The following ASNS variants were observed in gnomAD, a reference collection of about 807,000 sequenced individuals.
ASNS encodes asparagine synthetase [glutamine-hydrolyzing].
ASNS carries 37 observed loss-of-function variants against 62.6 expected under a neutral mutation model. That is an observed-to-expected ratio of 0.59 (90% CI 0.45 to 0.78). The LOEUF (loss-of-function observed/expected upper bound fraction) is 0.78, where lower values mean the gene tolerates loss of function less well. Ranked by LOEUF, ASNS falls within the 30% of genes least tolerant of loss-of-function variation. The pLI, the probability that ASNS is intolerant of heterozygous loss-of-function variation, is 0.00. For missense variants in ASNS, 520 were observed against 682.4 expected, an observed-to-expected ratio of 0.76 and a Z score of 2.65; for synonymous variants, 207 against 237.9, an observed-to-expected ratio of 0.87 and a Z score of 1.19.
chr7:97,875,604 G>A (rs996282722), upstream of ASNS, among the ~76,000 whole-genome samples: 1 of 152,218 alleles, frequency 6.6e-6, no homozygotes, highest in Admixed American at 6.5e-5. Flanking sequence ...GGATCATAGA[G>A]CCTCTTAACA....
At chr7:97,907,698 G>T in the ASNS span, among the ~76,000 whole-genome samples, 2 of 151,884 alleles carry the variant, frequency 1.3e-5, no homozygotes, top group Non-Finnish European at 2.9e-5. Context: ...GAACCCAGGA[G>T]GCAGAGCTTG....
At chr7:97,921,479 G>A in the ASNS span, among the ~76,000 whole-genome samples, 1 of 152,176 alleles carries the variant, frequency 6.6e-6, no homozygotes, top group Middle Eastern at 3.2e-3. Flanking sequence ...GCTGGTTGTG[G>A]CGTGTGGGCT....
In ASNS at chr7:97,864,380, T is replaced by A. The variant is rs11554429; in HGVS notation, c.366A>T (p.Ala122=). 6.2e-7 allele frequency: 1 copy of A among 1,613,946 alleles called. No homozygotes were observed. Reference sequence around the variant, plus strand: ...TATTGGCAGTATCCAGTAAAACAAATGCAAACACACCATCCAACATACAAA... The same window carrying A: ...TATTGGCAGTATCCAGTAAAACAAAAGCAAACACACCATCCAACATACAAA... ...QTICMLDGVF[A]FVLLDTANKK... Residue 122 remains alanine (A), a synonymous_variant, in exon 4 of 13, where the codon GCA becomes GCT. Transcript: ENST00000394308.
chr7:97,858,812 A>AAC (rs755408859), intron 6 of ASNS, 42 bp downstream of exon 6: 6 of 1,530,638 alleles, frequency 3.9e-6, no homozygotes, highest in Non-Finnish European at 5.4e-6. Context: ...ATTTCAATTA[A>AAC]ACACACATGA....
the ASNS span, among the ~76,000 whole-genome samples, chr7:97,900,399 T>C: frequency 1.4e-4 from 20 of 139,112 alleles, no homozygotes; most frequent in African/African-American, 5.1e-4. Context: ...AAATAACAAG[T>C]TTTGGTGAGG....
the ASNS span, among the ~76,000 whole-genome samples, chr7:97,920,153 G>A: frequency 6.6e-6 from 1 of 152,204 alleles, no homozygotes; most frequent in African/African-American, 2.4e-5. Flanking sequence ...TATTATAGGT[G>A]TCACCATGGC....
chr7:97,872,930 A>G (rs1387547799), upstream of ASNS, among the ~76,000 whole-genome samples: 1 of 152,206 alleles, frequency 6.6e-6, no homozygotes, highest in Non-Finnish European at 1.5e-5. Flanking sequence ...GCGAGATCAC[A>G]TCTCTATAAA....
chr7:97,854,275 A>G (rs1791323738), intron 10 of ASNS, among the ~76,000 whole-genome samples: 2 of 152,194 alleles, frequency 1.3e-5, no homozygotes, highest in Non-Finnish European at 2.9e-5. Context: ...TTGGTTGTTC[A>G]GATGTGAGCA....
At chr7:97,908,289 T>C in the ASNS span, 2 of 152,182 alleles carry the variant, frequency 1.3e-5, no homozygotes, top group African/African-American at 2.4e-5. Context: ...GACCAGGAAG[T>C]TCATGACCAA....
At chr7:97,915,164 C>T in the ASNS span, among the ~76,000 whole-genome samples, 30 of 152,182 alleles carry the variant, frequency 2.0e-4, no homozygotes, top group Non-Finnish European at 3.8e-4. Flanking sequence ...TAAGAAGGCC[C>T]ATAGGCAAGC....
chr7:97,876,063 G>T (rs1792431678), upstream of ASNS, among the ~76,000 whole-genome samples: 1 of 152,028 alleles, frequency 6.6e-6, no homozygotes, highest in Non-Finnish European at 1.5e-5. Flanking sequence ...CACCATGTTG[G>T]CCTGGTTGGT....
intron 4 of ASNS, among the ~76,000 whole-genome samples, chr7:97,860,180 G>C (rs1791647130): frequency 1.3e-5 from 2 of 152,188 alleles, no homozygotes; most frequent in Admixed American, 6.5e-5. Context: ...GCTCAAGTGA[G>C]CTACACAACC....
rs10486011 is a variant in ASNS at position 97,852,500 on chromosome 7, C to T, written c.1477-32G>A. 0.14 allele frequency: 227,345 copies of T among 1,594,710 alleles called. 17,302 individuals carry two copies. The highest frequency in any genetic ancestry group is 0.23 in the African/African-American group (17,064 of 74,524). ...GAATAAGCATATAAGAGCAAAATGG[C>T]TTAAAATGGCAGGAAATACTTGTGT... On this transcript the variant is annotated intron_variant, in intron 12 of 12. Coordinates refer to ENST00000394308, the MANE Select transcript of ASNS (RefSeq NM_001673.5).
At chr7:97,858,192 A>G in intron 7 of ASNS, 86 bp downstream of exon 7, 1 of 1,522,402 alleles carries the variant, frequency 6.6e-7, no homozygotes, top group South Asian at 1.3e-5. Flanking sequence ...CAGCAGCAGT[A>G]GAATCACCCA....
At chr7:97,898,710 A>T in the ASNS span, 1 of 654,322 alleles carries the variant, frequency 1.5e-6, no homozygotes, top group Non-Finnish European at 2.8e-6. Context: ...CCAACACAAA[A>T]CAGATGAAAG....
Position 97,857,406 on chromosome 7 carries a change from AAAT to A in ASNS, c.904-593_904-591del, listed in dbSNP as rs1021354285. 2.0e-5 allele frequency among the ~76,000 whole-genome samples: 3 copies of A among 152,264 alleles called. 1 individual carries two copies. In the South Asian group the frequency reaches 6.2e-4, roughly 32 times the overall value. On this transcript the variant is annotated intron_variant, in intron 7 of 12. Coordinates refer to ENST00000394308, the MANE Select transcript of ASNS (RefSeq NM_001673.5). Reference sequence around the variant, plus strand: ...AGTATTCTAAATACAGTACTTTCAAAAATAATAATAACAGCTAACACTCATTAA... The same window carrying A: ...AGTATTCTAAATACAGTACTTTCAAAAATAATAACAGCTAACACTCATTAA...
chr7:97,867,597 C>T (rs1429399163), intron 3 of ASNS, among the ~76,000 whole-genome samples: 2 of 151,162 alleles, frequency 1.3e-5, no homozygotes, highest in African/African-American at 4.9e-5. Flanking sequence ...GCCATAATAC[C>T]ACCTAGCGTT....
the ASNS span, among the ~76,000 whole-genome samples, chr7:97,922,491 A>G: frequency 6.6e-6 from 1 of 152,242 alleles, no homozygotes; most frequent in Admixed American, 6.5e-5. Context: ...GAGAGGAAGA[A>G]TAAGTTCAGG....
chr7:97,868,795 G>A, intron 3 of ASNS, 113 bp downstream of exon 3: 2 of 1,453,638 alleles, frequency 1.4e-6, no homozygotes, highest in Non-Finnish European at 1.9e-6. Context: ...ATGAGATAAC[G>A]AACATAGAGT....
Sources: allele counts gnomAD v4.1 joint callset (sites outside exome capture counted in the v4.1 genomes callset), GRCh38; gene constraint gnomAD v4.1.1; transcripts MANE v1.5; gene names NCBI Gene and HGNC (gene_info 2026-07-23, HGNC 2026-07-21).